Variants in HELB observed in about 807,000 individuals in gnomAD.
HELB encodes DNA helicase B.
In HELB, 96 loss-of-function variants were observed where a neutral mutation model predicts 101.7. The ratio of observed to expected loss-of-function variants is 0.94; its 90% CI spans 0.80 to 1.12. The LOEUF (loss-of-function observed/expected upper bound fraction) is 1.12. Among genes scored for constraint, HELB ranks in the 50% most tolerant of loss-of-function variants. The probability of loss-of-function intolerance (pLI) is 0.00; values close to 1 mark genes in which losing one functional copy is unlikely to be tolerated. For missense variants in HELB, 1,210 were observed against 1,291.9 expected (o/e 0.94, Z 0.97); for synonymous variants, 437 against 459.7 (o/e 0.95, Z 0.63).
At position 66,309,817 on chromosome 12, in the gene HELB, A is replaced by G. The variant is rs2053518796; in HGVS notation, c.889A>G (p.Met297Val). Residue 297 changes from methionine (M) to valine (V), a missense_variant, in exon 4 of 13, where the codon ATG (methionine) becomes GTG (valine). Physicochemically the swap from Met to Val is conservative, Grantham distance 21. This residue lies in a region of HELB where 470 missense variants were observed against 563.1 expected (regional missense o/e 0.83). Coordinates refer to ENST00000247815, the MANE Select transcript of HELB (RefSeq NM_001370285.1). ...MTDLEKNALI[M>V]YSRLKQICRE... ...TGATTTGGAGAAGAATGCATTAATAATGTATTCCAGACTGAAGCAGATATG... is the reference window on the plus strand; with the variant it reads ...TGATTTGGAGAAGAATGCATTAATAGTGTATTCCAGACTGAAGCAGATATG... The G allele has an allele frequency of 1.2e-6, 2 of 1,614,118 alleles. No individual in the cohort carries two copies. Among genetic ancestry groups the G allele is most frequent in the African/African-American group, 2.7e-5 (2 of 75,056 alleles).
intron 12 of HELB, among the ~76,000 whole-genome samples, chr12:66,337,392 A>C (rs992407739): frequency 6.6e-6 from 1 of 152,166 alleles, no homozygotes; most frequent in Non-Finnish European, 1.5e-5. Flanking sequence ...CATGAGCAGA[A>C]AAGAGAGGCA....
chr12:66,309,249 A>G (rs557581036), intron 3 of HELB, among the ~76,000 whole-genome samples: 1 of 152,338 alleles, frequency 6.6e-6, no homozygotes, highest in South Asian at 2.1e-4. Flanking sequence ...TGTGGAGGTA[A>G]TGGTATAAAA....
At chr12:66,331,796 C>G in intron 12 of HELB, 151 bp downstream of exon 12, 1 of 771,640 alleles carries the variant, frequency 1.3e-6, no homozygotes, top group Non-Finnish European at 2.1e-6. Flanking sequence ...TTTCCCTTAC[C>G]TCACTGTCTG....
At chr12:66,325,540 A>G (rs1381075801) in intron 11 of HELB, among the ~76,000 whole-genome samples, 1 of 152,130 alleles carries the variant, frequency 6.6e-6, no homozygotes, top group Middle Eastern at 3.2e-3. Context: ...AACCCATTAA[A>G]TTTTGTACTG....
At chr12:66,341,213 A>G (rs935255739), downstream of HELB, 1 of 152,304 alleles carries the variant, frequency 6.6e-6, no homozygotes, top group African/African-American at 2.4e-5. Context: ...CAAAGGTGGA[A>G]AAACCTGGAG....
intron 11 of HELB, among the ~76,000 whole-genome samples, chr12:66,327,002 C>T (rs1288966519): frequency 2.4e-5 from 3 of 124,564 alleles, no homozygotes; most frequent in African/African-American, 9.4e-5. Context: ...TGCCACTGCA[C>T]TCCAGCCTGG....
rs781742956 is a variant in HELB, at chr12:66,302,744, C to T, written c.141C>T (p.Leu47=). The T allele has an allele frequency of 1.2e-5, 20 of 1,613,740 alleles. No homozygotes were observed. In the Admixed American group the frequency reaches 2.3e-4, roughly 19 times the overall value. Residue 47 remains leucine (L), a synonymous_variant, in exon 1 of 13, where the codon CTC becomes CTT. Coordinates refer to ENST00000247815, the MANE Select transcript of HELB (RefSeq NM_001370285.1). ...CCGTGTTCATCGACGCCGAGGAGCT[C>T]TGCAGTGGGGGCGTAAAGGCTGGCA... ...EESVFIDAEE[L]CSGGVKAGSL...
chr12:66,302,708 G>T lies in HELB; in HGVS notation c.105G>T (p.Glu35Asp), dbSNP rs778994416. ...ACTACCTAAACGACGACGTGGAGGA[G>T]GATGAAGAGTCCGTGTTCATCGACG... is the stretch of plus-strand genomic sequence containing the variant. Reference protein sequence around the residue: ...DDDYLNDDVEEDEESVFIDAE... With the variant: ...DDDYLNDDVEDDEESVFIDAE... The change falls in exon 1 of 13, where the codon GAG becomes GAT. Residue 35 changes from glutamate to aspartate, a missense_variant. Glu to Asp is a conservative substitution (Grantham distance 45, BLOSUM62 2). Coordinates refer to ENST00000247815, the MANE Select transcript of HELB (RefSeq NM_001370285.1). The T allele has an allele frequency of 9.3e-6, 15 of 1,614,146 alleles. No individual in the cohort carries two copies. The highest frequency in any genetic ancestry group is 1.1e-5 in the Non-Finnish European group (13 of 1,179,996).
At chr12:66,318,405 AG>A (rs949733880) in intron 6 of HELB, among the ~76,000 whole-genome samples, 2 of 152,222 alleles carry the variant, frequency 1.3e-5, no homozygotes, top group African/African-American at 4.8e-5. Flanking sequence ...TAGTTTGCTA[AG>A]GACTGATTGC....
chr12:66,336,896 G>A (rs1191357837), intron 12 of HELB, among the ~76,000 whole-genome samples: 1 of 152,198 alleles, frequency 6.6e-6, no homozygotes, highest in Non-Finnish European at 1.5e-5. Flanking sequence ...GATATTGACT[G>A]AGGTTTAGTG....
At chr12:66,326,639 G>T (rs894633332) in intron 11 of HELB, among the ~76,000 whole-genome samples, 5 of 151,572 alleles carry the variant, frequency 3.3e-5, no homozygotes, top group Admixed American at 1.3e-4. Flanking sequence ...TTTTTAAGTG[G>T]GTGGGGCTTT....
Position 66,310,122 on chromosome 12 carries a change from C to A in HELB, c.1194C>A (p.Ser398Arg). The change falls in exon 4 of 13, where the codon AGC becomes AGA. Residue 398 changes from serine (S) to arginine (R), a missense_variant. Physicochemically the swap from Ser to Arg is moderately radical, Grantham distance 110. This residue lies in a region of HELB where 470 missense variants were observed against 563.1 expected (regional missense o/e 0.83). Coordinates refer to ENST00000247815, the MANE Select transcript of HELB (RefSeq NM_001370285.1). ...ACACCACAAAACCTGAGAATTCAAG[C>A]GATGATGCATTGAATGAGAGCAAAC... Reference protein sequence around the residue: ...SIHTTKPENSSDDALNESKPD... With the variant: ...SIHTTKPENSRDDALNESKPD... 1 of 1,614,102 alleles carries A rather than the reference C, an allele frequency of 6.2e-7. No homozygotes were observed. Among genetic ancestry groups the A allele is most frequent in the Non-Finnish European group, 8.5e-7 (1 of 1,180,018 alleles).
intron 7 of HELB, 170 bp from the exon 8 acceptor site, chr12:66,321,778 G>A: frequency 2.0e-6 from 1 of 508,486 alleles, no homozygotes; most frequent in Admixed American, 3.5e-5. Flanking sequence ...CTTTCCTATT[G>A]CCCTGGCTGA....
intron 10 of HELB, 42 bp from the exon 11 acceptor site, chr12:66,324,941 A>G (rs747804004): frequency 1.2e-6 from 2 of 1,607,346 alleles, no homozygotes; most frequent in Non-Finnish European, 1.7e-6. Flanking sequence ...AACGTAGAAC[A>G]TATTTGAAGG....
At chr12:66,303,484 T>G (rs2053434140) in intron 1 of HELB, among the ~76,000 whole-genome samples, 1 of 151,922 alleles carries the variant, frequency 6.6e-6, no homozygotes, top group South Asian at 2.1e-4. Context: ...AACTACAAAA[T>G]TAGCCGGGCG....
chr12:66,322,837 G>GTT, intron 9 of HELB, 54 bp downstream of exon 9: 1 of 1,247,646 alleles, frequency 8.0e-7, no homozygotes, highest in South Asian at 1.4e-5. Context: ...TCGATTTGCT[G>GTT]GTTTTTTTTT....
downstream of HELB, chr12:66,340,829 A>G (rs950393538): frequency 1.3e-5 from 2 of 152,636 alleles, no homozygotes; most frequent in Admixed American, 6.5e-5. Context: ...TGCCTGCTTT[A>G]TATTTGCTGG....
At chr12:66,315,476 A>G (rs1173295012) in intron 6 of HELB, 93 bp downstream of exon 6, 3 of 878,924 alleles carry the variant, frequency 3.4e-6, no homozygotes, top group Non-Finnish European at 4.8e-6. Context: ...ACAATACATT[A>G]ACTACACCTT....
At chr12:66,305,649 G>A (rs1220295217) in intron 2 of HELB, among the ~76,000 whole-genome samples, 7 of 151,962 alleles carry the variant, frequency 4.6e-5, no homozygotes, top group African/African-American at 1.5e-4. Context: ...GGAGGATGAG[G>A]CAGGAGGATC....
Sources: gnomAD v4.1 joint callset for allele counts (sites outside exome capture counted in the v4.1 genomes callset) on GRCh38, gnomAD v4.1.1 for gene constraint, gnomAD v4.1.1 regional missense constraint, MANE v1.5 for transcripts, NCBI Gene and HGNC (gene_info 2026-07-23, HGNC 2026-07-21) for gene names.